The following PRKG1 variants were observed in gnomAD, a reference collection of about 807,000 sequenced individuals.
PRKG1 encodes protein kinase cGMP-dependent 1, also known as cGMP-dependent protein kinase 1.
Under a neutral mutation model 88.1 loss-of-function variants are expected in PRKG1, and 35 were observed. The ratio of observed to expected loss-of-function variants is 0.40; its 90% CI spans 0.30 to 0.53. The LOEUF (loss-of-function observed/expected upper bound fraction) is 0.53. Ranked by LOEUF, PRKG1 falls within the 20% of genes least tolerant of loss-of-function variation. The pLI, the probability that PRKG1 is intolerant of heterozygous loss-of-function variation, is 0.59. For missense variants in PRKG1, 540 were observed against 839.8 expected (o/e 0.64, Z 4.41); for synonymous variants, 303 against 292.5 (o/e 1.04, Z -0.37).
chr10:51,731,990 TC>T (rs1418000545), intron 3 of PRKG1, among the ~76,000 whole-genome samples: 2 of 151,068 alleles, frequency 1.3e-5, no homozygotes. Flanking sequence ...CCAAATTCCC[TC>T]CCTCTCCCCC....
intron 3 of PRKG1, among the ~76,000 whole-genome samples, chr10:51,502,116 G>C (rs1460236848): frequency 6.6e-6 from 1 of 152,158 alleles, no homozygotes; most frequent in Non-Finnish European, 1.5e-5. Context: ...TTTAATGTCT[G>C]AATCCGTATT....
intron 2 of PRKG1, among the ~76,000 whole-genome samples, chr10:51,262,214 A>G (rs1271831526): frequency 6.6e-6 from 1 of 152,166 alleles, no homozygotes; most frequent in Non-Finnish European, 1.5e-5. Context: ...AAAAGGAAAT[A>G]TAAATTCCTT....
chr10:52,133,759 T>G, intron 7 of PRKG1, 81 bp from the exon 8 acceptor site: 1 of 1,207,010 alleles, frequency 8.3e-7, no homozygotes, highest in South Asian at 1.3e-5. Context: ...TAATGTAAAT[T>G]TTTTCCTGAA....
intron 3 of PRKG1, among the ~76,000 whole-genome samples, chr10:51,713,465 T>G (rs910695163): frequency 3.3e-5 from 5 of 152,228 alleles, no homozygotes; most frequent in African/African-American, 1.2e-4. Context: ...GGTTGCTTCC[T>G]TATTAAAACA....
chr10:51,714,105 G>A (rs192189507), intron 3 of PRKG1, among the ~76,000 whole-genome samples: 1 of 151,902 alleles, frequency 6.6e-6, no homozygotes, highest in Admixed American at 6.6e-5. Flanking sequence ...TCAGCCTCCC[G>A]AGTAGCTGGG....
At chr10:51,751,190 G>A (rs997535329) in intron 3 of PRKG1, among the ~76,000 whole-genome samples, 12 of 152,092 alleles carry the variant, frequency 7.9e-5, no homozygotes, top group Non-Finnish European at 1.8e-4. Flanking sequence ...ATGTAGGATT[G>A]CCAGAAAAAA....
intron 3 of PRKG1, among the ~76,000 whole-genome samples, chr10:51,614,864 G>A (rs987781671): frequency 1.3e-5 from 2 of 151,854 alleles, no homozygotes; most frequent in Non-Finnish European, 2.9e-5. Flanking sequence ...CATTTATGAA[G>A]GATACTTTTT....
intron 4 of PRKG1, among the ~76,000 whole-genome samples, chr10:51,875,556 G>A (rs1801519223): frequency 6.6e-6 from 1 of 152,064 alleles, no homozygotes; most frequent in Admixed American, 6.6e-5. Flanking sequence ...ACAGACACTT[G>A]ACACCATCCC....
intron 3 of PRKG1, among the ~76,000 whole-genome samples, chr10:51,645,949 T>G (rs2132305149): frequency 6.6e-6 from 1 of 152,326 alleles, no homozygotes; most frequent in South Asian, 2.1e-4. Context: ...TTCATTAAAC[T>G]TGACTTGTAT....
At chr10:51,073,527 T>A (rs997255227), upstream of PRKG1, among the ~76,000 whole-genome samples, 1 of 151,954 alleles carries the variant, frequency 6.6e-6, no homozygotes, top group African/African-American at 2.4e-5. Flanking sequence ...GCAAGGCCCA[T>A]CCGAGAACTA....
At chr10:52,221,973 A>G (rs113854545) in intron 9 of PRKG1, among the ~76,000 whole-genome samples, 3,089 of 152,284 alleles carry the variant, frequency 0.02, 85 homozygotes, top group South Asian at 0.15. Context: ...GTTTGCATAG[A>G]TGATGGGTAA....
intron 5 of PRKG1, among the ~76,000 whole-genome samples, chr10:51,918,344 A>T (rs2339889): frequency 0.28 from 39,992 of 140,656 alleles, 5,617 homozygotes; most frequent in East Asian, 0.5. Context: ...TTTTTTTTTT[A>T]TTTTTTTTTT....
intron 2 of PRKG1, among the ~76,000 whole-genome samples, chr10:51,335,785 A>G (rs778785601): frequency 2.0e-5 from 3 of 152,174 alleles, no homozygotes; most frequent in Non-Finnish European, 4.4e-5. Flanking sequence ...ATATAATTCA[A>G]TGTTTCAACA....
At chr10:51,477,836 C>A (rs1314575859) in intron 3 of PRKG1, among the ~76,000 whole-genome samples, 1 of 151,996 alleles carries the variant, frequency 6.6e-6, no homozygotes, top group Non-Finnish European at 1.5e-5. Flanking sequence ...GAGGTCCTGG[C>A]AGGATCCCAG....
intron 9 of PRKG1, among the ~76,000 whole-genome samples, chr10:52,176,363 T>C (rs1452915267): frequency 1.3e-5 from 2 of 151,940 alleles, no homozygotes; most frequent in Non-Finnish European, 2.9e-5. Context: ...TAGTCTGGTC[T>C]ATTTTTTTCT....
At chr10:51,598,291 TGAGA>T (rs1002481386) in intron 3 of PRKG1, among the ~76,000 whole-genome samples, 1 of 152,170 alleles carries the variant, frequency 6.6e-6, no homozygotes, top group African/African-American at 2.4e-5. Flanking sequence ...TTTTTTCCTT[TGAGA>T]GAGAGTCTTG....
chr10:51,782,782 G>T (rs560571776), intron 3 of PRKG1, among the ~76,000 whole-genome samples: 1 of 152,040 alleles, frequency 6.6e-6, no homozygotes, highest in Admixed American at 6.6e-5. Context: ...TGTAAGACGG[G>T]ACTAGCTCCT....
At chr10:51,627,930 CTTCCTT>C (rs1839386637) in intron 3 of PRKG1, among the ~76,000 whole-genome samples, 1 of 24,400 alleles carries the variant, frequency 4.1e-5, no homozygotes, top group Admixed American at 6.3e-4. Context: ...CCCTTCCTTT[CTTCCTT>C]CCTTCCTTTC....
At chr10:51,053,383 CAG>C (rs1422779498) in intron 1 of PRKG1, among the ~76,000 whole-genome samples, 5 of 152,074 alleles carry the variant, frequency 3.3e-5, no homozygotes, top group Non-Finnish European at 7.4e-5. Flanking sequence ...GGCTACAAGA[CAG>C]AGTTTTTAAA....
Sources: gnomAD v4.1 joint callset for allele counts (sites outside exome capture counted in the v4.1 genomes callset) on GRCh38, gnomAD v4.1.1 for gene constraint, MANE v1.5 for transcripts, NCBI Gene and HGNC (gene_info 2026-07-23, HGNC 2026-07-21) for gene names.